The following CD6 variants were observed in gnomAD, a reference collection of about 807,000 sequenced individuals.
CD6 encodes the protein CD6 molecule.
CD6 carries 53 observed loss-of-function variants against 75.3 expected under a neutral mutation model. The observed-to-expected ratio is 0.70, with a 90% CI of 0.56 to 0.88. CD6 has a LOEUF of 0.88. Among genes scored for constraint, CD6 ranks in the 40% least tolerant of loss-of-function variants. The pLI is 0.00. For synonymous variants in CD6, 359 were observed against 381.5 expected (o/e 0.94, Z 0.69); for missense variants, 770 against 897.1 (o/e 0.86, Z 1.81).
chr11:60,988,860 T>C (rs151143989), intron 1 of CD6, among the ~76,000 whole-genome samples: 2 of 152,146 alleles, frequency 1.3e-5, no homozygotes. Flanking sequence ...AGCCAGTGGG[T>C]GGGGGCAGGC....
At chr11:60,990,502 G>A (rs767668281) in intron 1 of CD6, among the ~76,000 whole-genome samples, 11 of 152,130 alleles carry the variant, frequency 7.2e-5, no homozygotes, top group Non-Finnish European at 1.5e-4. Context: ...GGGATTACAG[G>A]CGTGAGCCAC....
intron 1 of CD6, among the ~76,000 whole-genome samples, chr11:60,999,821 C>T (rs187887046): frequency 1.2e-4 from 18 of 151,876 alleles, no homozygotes; most frequent in Admixed American, 2.6e-4. Flanking sequence ...CTGAGGTGGG[C>T]GGATCACTTG....
At chr11:60,999,365 C>T (rs1160807633) in intron 1 of CD6, among the ~76,000 whole-genome samples, 1 of 149,852 alleles carries the variant, frequency 6.7e-6, no homozygotes, top group African/African-American at 2.5e-5. Flanking sequence ...ACCAGGATAG[C>T]TATGTAATTA....
chr11:61,008,757 G>C lies in CD6; in HGVS notation c.693G>C (p.Ser231=). ...GPIHRDQVNC[S]GAEAYLWDCP... ...TCCACCGGGACCAGGTGAACTGCTC[G>C]GGGGCCGAAGCTTACCTGTGGGACT... Residue 231 remains serine, a synonymous_variant, in exon 4 of 13, where the codon TCG becomes TCC. Coordinates refer to ENST00000313421, the MANE Select transcript of CD6 (RefSeq NM_006725.5). 2 of 1,605,006 alleles carry C rather than the reference G, an allele frequency of 1.2e-6. No individual in the cohort carries two copies. Among genetic ancestry groups the C allele is most frequent in the South Asian group, 1.1e-5 (1 of 90,482 alleles).
At chr11:60,995,724 A>ATCTTTTCCCTGCTGTGAGGTCTGTGG (rs2135098639) in intron 1 of CD6, among the ~76,000 whole-genome samples, 1 of 152,208 alleles carries the variant, frequency 6.6e-6, no homozygotes, top group East Asian at 1.9e-4. Context: ...ATTAAGTCTC[A>ATCTTTTCCCTGCTGTGAGGTCTGTGG]TCTTTTCCCT....
At chr11:60,975,911 A>T (rs1035593638) in intron 1 of CD6, among the ~76,000 whole-genome samples, 2 of 152,238 alleles carry the variant, frequency 1.3e-5, no homozygotes, top group African/African-American at 2.4e-5. Context: ...GCACATTTAT[A>T]AATATGATGA....
Position 61,013,999 on chromosome 11 carries a change from A to G in CD6, c.1372A>G (p.Thr458Ala), listed in dbSNP as rs752472697. ...CAATAGCTATCAACCGGTCCCCATCACCATCCCCAAAGAAGGTAGGATGTC... is the reference window on the plus strand; with the variant it reads ...CAATAGCTATCAACCGGTCCCCATCGCCATCCCCAAAGAAGGTAGGATGTC... ...GSNSYQPVPI[T>A]IPKEVFMLPI... Residue 458 changes from threonine (T) to alanine (A), a missense_variant, in exon 8 of 13, where the codon ACC becomes GCC. Coordinates refer to ENST00000313421, the MANE Select transcript of CD6 (RefSeq NM_006725.5). 1.9e-5 allele frequency: 31 copies of G among 1,612,620 alleles called. No homozygotes were observed. Among genetic ancestry groups the G allele is most frequent in the Non-Finnish European group, 2.2e-5 (26 of 1,179,408 alleles).
intron 6 of CD6, among the ~76,000 whole-genome samples, chr11:61,012,960 G>C (rs1859216122): frequency 6.6e-6 from 1 of 152,208 alleles, no homozygotes; most frequent in Non-Finnish European, 1.5e-5. Context: ...CATGCCCCCA[G>C]TGTCGCTGTT....
At chr11:61,004,205 CAT>C (rs1173289921) in intron 1 of CD6, among the ~76,000 whole-genome samples, 12 of 152,276 alleles carry the variant, frequency 7.9e-5, no homozygotes, top group African/African-American at 2.9e-4. Flanking sequence ...GTCGTAATCA[CAT>C]ATGCACACAG....
At chr11:61,011,495 G>C (rs1340858043) in intron 6 of CD6, among the ~76,000 whole-genome samples, 5 of 152,176 alleles carry the variant, frequency 3.3e-5, no homozygotes, top group African/African-American at 2.4e-5. Flanking sequence ...TCTTGGCCCA[G>C]CTGGGTAGCG....
intron 1 of CD6, 37 bp from the exon 2 acceptor site, chr11:61,006,537 C>T (rs780434838): frequency 2.3e-5 from 36 of 1,541,944 alleles, no homozygotes; most frequent in Non-Finnish European, 2.6e-6. Flanking sequence ...CAGGCCTGAG[C>T]TCACTCACCC....
In CD6 at chr11:61,020,031, A is replaced by G. The variant is rs117687302; in HGVS notation, c.*713A>G. On this transcript the variant is annotated 3_prime_UTR_variant, in exon 13 of 13. Coordinates refer to ENST00000313421, the MANE Select transcript of CD6 (RefSeq NM_006725.5). ...AGGGGCACAGACCAGTTCTGCAGTG[A>G]CTGTCCCTGGACAATGGGTCTTTAT... 5.8e-3 allele frequency: 2,324 copies of G among 397,506 alleles called. 9 individuals carry two copies. The highest frequency in any genetic ancestry group is 0.011 in the South Asian group (75 of 7,116). The allele number at this position is 397,506 out of a possible 1,614,324, so 24.6% of individuals were successfully genotyped here.
At chr11:60,984,210 CATT>C (rs1336818887) in intron 1 of CD6, among the ~76,000 whole-genome samples, 10 of 152,292 alleles carry the variant, frequency 6.6e-5, no homozygotes, top group African/African-American at 2.4e-4. Flanking sequence ...CTAGTTGTAA[CATT>C]ATTGTTGATT....
Position 61,007,572 on chromosome 11 carries a change from C to T in CD6, c.131C>T (p.Pro44Leu). The T allele has an allele frequency of 1.3e-6, 2 of 1,499,612 alleles. No homozygotes were observed. The highest frequency in any genetic ancestry group is 1.8e-6 in the Non-Finnish European group (2 of 1,123,886). The allele number at this position is 1,499,612 out of a possible 1,614,324, so 92.9% of individuals were successfully genotyped here. A position where few individuals can be genotyped will look rare whatever the true frequency, so the allele number is the denominator to read the frequency against. ...CTGACACTTCCAGGGGAGCGGCTTCCGGTCCGTCTGACAAACGGGAGCAGC... is the reference window on the plus strand; with the variant it reads ...CTGACACTTCCAGGGGAGCGGCTTCTGGTCCGTCTGACAAACGGGAGCAGC... The part of the protein sequence containing the change: ...SELWEPGERL[P>L]VRLTNGSSSC... Residue 44 changes from proline to leucine, a missense_variant, in exon 3 of 13, where the codon CCG (proline) becomes CTG (leucine). Pro to Leu is a moderately conservative substitution (Grantham distance 98). Transcript: ENST00000313421. This position sits in a 1 kb window ranked among gnomAD's most constrained non-coding sequence, Gnocchi z 4.2.
chr11:60,999,344 G>A (rs1858464030), intron 1 of CD6, among the ~76,000 whole-genome samples: 1 of 150,880 alleles, frequency 6.6e-6, no homozygotes, highest in Non-Finnish European at 1.5e-5. Context: ...GCCGATGGTT[G>A]TCAGTTCATG....
intron 8 of CD6, among the ~76,000 whole-genome samples, chr11:61,014,763 C>A (rs1373532400): frequency 6.6e-6 from 1 of 151,790 alleles, no homozygotes; most frequent in African/African-American, 2.4e-5. Flanking sequence ...AAGGTTCAGT[C>A]ATTCATCCTT....
intron 1 of CD6, among the ~76,000 whole-genome samples, chr11:60,981,369 T>A (rs969798262): frequency 6.6e-6 from 1 of 152,130 alleles, no homozygotes; most frequent in Non-Finnish European, 1.5e-5. Flanking sequence ...TGGAATTGGG[T>A]AGGGTTTGGG....
intron 1 of CD6, among the ~76,000 whole-genome samples, chr11:60,980,116 C>T (rs1693712505): frequency 6.6e-6 from 1 of 152,164 alleles, no homozygotes; most frequent in South Asian, 2.1e-4. Flanking sequence ...AAATCCATGT[C>T]ATGATATGTC....
At position 60,990,791 on chromosome 11, in the gene CD6, A is replaced by G. The variant is rs983799458; in HGVS notation, c.50-15783A>G. Among the ~76,000 whole-genome samples the G allele has an allele frequency of 1.7e-4, 8 of 45,910 alleles. No homozygotes were observed. In the East Asian group the frequency reaches 0.089, roughly 510 times the overall value. 30.1% of individuals were successfully genotyped at this position (45,910 alleles called of 152,430 possible). ...GAGACATGTACTATATTTTATATAAATTGTACCCTACTGGACATATTGTTC... is the reference window on the plus strand; with the variant it reads ...GAGACATGTACTATATTTTATATAAGTTGTACCCTACTGGACATATTGTTC... On this transcript the variant is annotated intron_variant, in intron 1 of 12. Coordinates refer to ENST00000313421, the MANE Select transcript of CD6 (RefSeq NM_006725.5).
Sources: gnomAD v4.1 joint callset for allele counts (sites outside exome capture counted in the v4.1 genomes callset) on GRCh38, gnomAD v4.1.1 for gene constraint, Gnocchi (gnomAD v3.1) non-coding constraint, MANE v1.5 for transcripts, NCBI Gene and HGNC (gene_info 2026-07-23, HGNC 2026-07-21) for gene names.